Variants in PCDHGA2 observed in about 807,000 individuals in gnomAD.
The protein encoded by PCDHGA2 is protocadherin gamma subfamily A, 2.
A neutral mutation model predicts 59.2 loss-of-function variants in PCDHGA2; 40 were observed. That is an observed-to-expected ratio of 0.68 (90% confidence interval 0.52 to 0.88). PCDHGA2 has a LOEUF of 0.88. Ranked by LOEUF, PCDHGA2 falls within the 40% of genes least tolerant of loss-of-function variation. PCDHGA2 has a pLI of 0.00. For synonymous variants in PCDHGA2, 560 were observed against 526.0 expected, an observed-to-expected ratio of 1.06 and a Z score of -0.89; for missense variants, 1,226 against 1,204.0, an observed-to-expected ratio of 1.02 and a Z score of -0.27.
intron 1 of PCDHGA2, among the ~76,000 whole-genome samples, chr5:141,407,316 GTATTTATAAA>G (rs2094915018): frequency 6.6e-6 from 1 of 152,094 alleles, no homozygotes; most frequent in Non-Finnish European, 1.5e-5. Flanking sequence ...TTCATACTTA[GTATTTATAAA>G]TATTGAAATG....
At chr5:141,408,070 T>C (rs1413400462) in intron 1 of PCDHGA2, 3 of 1,381,930 alleles carry the variant, frequency 2.2e-6, no homozygotes, top group Non-Finnish European at 2.9e-6. Context: ...TGCGCAGACC[T>C]TTCCCAGCAC....
At position 141,389,024 on chromosome 5, in the gene PCDHGA2, G is replaced by T. The variant is rs776063645; in HGVS notation, c.2424+47629G>T. On this transcript the variant is annotated intron_variant, in intron 1 of 3. Transcript: ENST00000394576. ...AGGATTCCAGACACAATGGAGAAGT[G>T]ACTTGTAAATTGGAAGGTGATGTTC... 4 of 1,613,948 alleles carry T rather than the reference G, an allele frequency of 2.5e-6. No homozygotes were observed. The South Asian group carries it at 4.4e-5, about 18-fold the overall frequency.
At chr5:141,387,999 G>A (rs923312530) in intron 1 of PCDHGA2, 2 of 1,487,266 alleles carry the variant, frequency 1.3e-6, no homozygotes, top group Non-Finnish European at 1.8e-6. Flanking sequence ...CAGGATTCCC[G>A]AGGAAATGCC....
At chr5:141,371,658 A>T (rs764550191) in intron 1 of PCDHGA2, 4 of 1,613,920 alleles carry the variant, frequency 2.5e-6, no homozygotes. Context: ...CAATGTGACG[A>T]TCACAGCTAC....
intron 1 of PCDHGA2, among the ~76,000 whole-genome samples, chr5:141,433,553 T>C (rs530467777): frequency 1.3e-5 from 2 of 151,614 alleles, no homozygotes; most frequent in African/African-American, 4.8e-5. Flanking sequence ...TATTCTTTTC[T>C]GGCTGGGCGC....
chr5:141,462,872 AG>A (rs1254807813), intron 1 of PCDHGA2, among the ~76,000 whole-genome samples: 54 of 152,272 alleles, frequency 3.5e-4, no homozygotes, highest in Middle Eastern at 6.8e-3. Flanking sequence ...TCTTTCTTTA[AG>A]AACTATTGCA....
Position 141,340,617 on chromosome 5 carries a change from G to A in PCDHGA2, c.1646G>A (p.Ser549Asn), listed in dbSNP as rs751539245. 4.3e-6 allele frequency: 7 copies of A among 1,614,212 alleles called. No individual in the cohort carries two copies. In the Admixed American group the frequency reaches 5.0e-5, roughly 12 times the overall value. ...CCACTCAGTAGCAATGTATCATTAAGCCTGTTCGTGCTGGACCAGAACGAC... is the reference window on the plus strand; with the variant it reads ...CCACTCAGTAGCAATGTATCATTAAACCTGTTCGTGCTGGACCAGAACGAC... The part of the protein sequence containing the change: ...NPPLSSNVSL[S>N]LFVLDQNDNA... Residue 549 changes from serine to asparagine, a missense_variant, in exon 1 of 4, where the codon AGC (serine) becomes AAC (asparagine). Ser to Asn is a conservative substitution (Grantham distance 46). Transcript: ENST00000394576.
chr5:141,399,796 C>A (rs62621781), intron 1 of PCDHGA2: 1 of 1,613,212 alleles, frequency 6.2e-7, no homozygotes. Context: ...CAACGCACCG[C>A]GGGTGCTGTA....
At chr5:141,484,478 A>G (rs2099596967) in intron 1 of PCDHGA2, among the ~76,000 whole-genome samples, 1 of 152,244 alleles carries the variant, frequency 6.6e-6, no homozygotes, top group Admixed American at 6.5e-5. Context: ...CTTTTCTGCA[A>G]AGAGATGGAT....
In PCDHGA2 at chr5:141,340,688, A is replaced by C; in HGVS notation, c.1717A>C (p.Thr573Pro). 6.2e-7 allele frequency: 1 copy of C among 1,614,140 alleles called. No homozygotes were observed. Among genetic ancestry groups the C allele is most frequent in the Non-Finnish European group, 8.5e-7 (1 of 1,180,028 alleles). Residue 573 changes from threonine (T) to proline (P), a missense_variant, in exon 1 of 4, where the codon ACT (threonine) becomes CCT (proline). Transcript: ENST00000394576. ...LYPAFPTDGS[T>P]GVELAPRSAE... ...CCCTGCCTTCCCCACAGACGGTTCC[A>C]CTGGCGTGGAGCTGGCGCCCCGCTC... is the stretch of plus-strand genomic sequence containing the variant.
intron 1 of PCDHGA2, chr5:141,413,373 C>T (rs1421093311): frequency 1.2e-6 from 2 of 1,613,946 alleles, no homozygotes; most frequent in Non-Finnish European, 1.7e-6. Flanking sequence ...TGGCGGAGCG[C>T]GGAGTCCGCA....
rs779718690 is a variant in PCDHGA2, at chr5:141,421,727, C to G, written c.2425-73080C>G. ...AGGGATCCAGATGTGGGCGTGAACT[C>G]CCTCCAGAGCTACCAGCTCAGCCCT... On this transcript the variant is annotated intron_variant, in intron 1 of 3. Coordinates refer to ENST00000394576, the MANE Select transcript of PCDHGA2 (RefSeq NM_018915.4). The G allele has an allele frequency of 1.9e-6, 3 of 1,613,916 alleles. No individual in the cohort carries two copies. In the East Asian group the frequency reaches 6.7e-5, roughly 36 times the overall value.
At chr5:141,459,427 G>A (rs1489214494) in intron 1 of PCDHGA2, among the ~76,000 whole-genome samples, 2 of 152,228 alleles carry the variant, frequency 1.3e-5, no homozygotes, top group Non-Finnish European at 2.9e-5. Flanking sequence ...ATATCACAAT[G>A]TGTTCATTCA....
chr5:141,491,955 A>T lies in PCDHGA2; in HGVS notation c.2425-2852A>T. Reference sequence around the variant, plus strand: ...GGGACCGACCCCCACCCCTACACTCAAAAAAGGCCGGGGCCTCCTTCGAGC... The same window carrying T: ...GGGACCGACCCCCACCCCTACACTCTAAAAAGGCCGGGGCCTCCTTCGAGC... On this transcript the variant is annotated intron_variant, in intron 1 of 3. Coordinates refer to ENST00000394576, the MANE Select transcript of PCDHGA2 (RefSeq NM_018915.4). This position sits in a 1 kb window ranked among gnomAD's most constrained non-coding sequence, Gnocchi z 6.9. 9.7e-7 allele frequency: 1 copy of T among 1,029,648 alleles called. No homozygotes were observed. The highest frequency in any genetic ancestry group is 2.2e-5 in the South Asian group (1 of 44,530). The allele number at this position is 1,029,648 out of a possible 1,614,324, so 63.8% of individuals were successfully genotyped here. A position where few individuals can be genotyped will look rare whatever the true frequency, so the allele number is the denominator to read the frequency against.
chr5:141,421,188 C>T lies in PCDHGA2; in HGVS notation c.2425-73619C>T, dbSNP rs1364019876. 2.0e-6 allele frequency: 3 copies of T among 1,471,410 alleles called. No individual in the cohort carries two copies. The South Asian group carries it at 4.0e-5, about 20-fold the overall frequency. The allele number at this position is 1,471,410 out of a possible 1,614,324, so 91.1% of individuals were successfully genotyped here. A position where few individuals can be genotyped will look rare whatever the true frequency, so the allele number is the denominator to read the frequency against. The stretch of plus-strand genomic sequence containing the variant: ...GATACATAAGCCGATTCACAACCAA[C>T]CAGCTCGAGAAACCGCGGAATATCG... On this transcript the variant is annotated intron_variant, in intron 1 of 3. Coordinates refer to ENST00000394576, the MANE Select transcript of PCDHGA2 (RefSeq NM_018915.4).
chr5:141,410,665 G>A, intron 1 of PCDHGA2: 1 of 1,569,394 alleles, frequency 6.4e-7, no homozygotes, highest in Non-Finnish European at 8.6e-7. Context: ...TAGTCTACTA[G>A]TTTCTCATAT....
intron 1 of PCDHGA2, among the ~76,000 whole-genome samples, chr5:141,354,577 A>G (rs1371174028): frequency 2.0e-5 from 3 of 152,204 alleles, no homozygotes; most frequent in African/African-American, 7.2e-5. Context: ...TACTGCATAA[A>G]TTGGGACTAA....
intron 1 of PCDHGA2, chr5:141,374,306 TTC>T (rs1561562207): frequency 6.2e-7 from 1 of 1,613,958 alleles, no homozygotes. Context: ...GATGCAGCTT[TTC>T]TCTCTGAATC....
chr5:141,357,872 T>A (rs1760752511), intron 1 of PCDHGA2: 1 of 562,694 alleles, frequency 1.8e-6, no homozygotes, highest in African/African-American at 1.9e-5. Flanking sequence ...ATTTTACAAC[T>A]CTGAGCCACC....
Sources: allele counts gnomAD v4.1 joint callset (sites outside exome capture counted in the v4.1 genomes callset), GRCh38; gene constraint gnomAD v4.1.1; non-coding constraint Gnocchi (gnomAD v3.1); transcripts MANE v1.5; gene names NCBI Gene and HGNC (gene_info 2026-07-23, HGNC 2026-07-21).